The following IGF2BP2 variants were observed in gnomAD, a reference collection of about 807,000 sequenced individuals.
The protein encoded by IGF2BP2 is insulin like growth factor 2 mRNA binding protein 2, also known as insulin-like growth factor 2 mRNA-binding protein 2.
Under a neutral mutation model 75.8 loss-of-function variants are expected in IGF2BP2, and 17 were observed. The observed-to-expected ratio is 0.22, with a 90% CI of 0.15 to 0.34. IGF2BP2 has a LOEUF of 0.34. Among genes scored for constraint, IGF2BP2 ranks in the 10% least tolerant of loss-of-function variants. The pLI is 1.00. For synonymous variants in IGF2BP2, 288 were observed against 295.6 expected (o/e 0.97, Z 0.26); for missense variants, 516 against 772.4 (o/e 0.67, Z 3.93).
intron 2 of IGF2BP2, among the ~76,000 whole-genome samples, chr3:185,799,292 G>A (rs1737863210): frequency 1.3e-5 from 2 of 152,098 alleles, no homozygotes; most frequent in African/African-American, 4.8e-5. Context: ...CAGCTACTTG[G>A]GAAGCTAAGG....
intron 2 of IGF2BP2, among the ~76,000 whole-genome samples, chr3:185,700,673 T>G (rs958212429): frequency 1.3e-5 from 2 of 152,148 alleles, no homozygotes; most frequent in Non-Finnish European, 2.9e-5. Flanking sequence ...AATACAAACA[T>G]TGACTCCAAC....
chr3:185,824,137 G>A (rs545362506), intron 1 of IGF2BP2, among the ~76,000 whole-genome samples: 5 of 152,096 alleles, frequency 3.3e-5, no homozygotes, highest in Admixed American at 3.3e-4. Flanking sequence ...GTTCGGGAAA[G>A]GACCGAGGGG....
rs138361047 is a variant in IGF2BP2, at chr3:185,697,612, C to G, written c.288+687G>C. 2.7e-3 allele frequency among the ~76,000 whole-genome samples: 413 copies of G among 152,260 alleles called. 2 individuals carry two copies. Among genetic ancestry groups the G allele is most frequent in the African/African-American group, 9.7e-3 (402 of 41,532 alleles). On this transcript the variant is annotated intron_variant, in intron 3 of 15. Coordinates refer to ENST00000382199, the MANE Select transcript of IGF2BP2 (RefSeq NM_006548.6). Reference sequence around the variant, plus strand: ...AACTCTGAAAACATACCTTAACTGTCACAGCAACTAATTCAAAACAAACAA... The same window carrying G: ...AACTCTGAAAACATACCTTAACTGTGACAGCAACTAATTCAAAACAAACAA...
chr3:185,767,885 C>CA (rs1733309062), intron 2 of IGF2BP2: 1 of 153,726 alleles, frequency 6.5e-6, no homozygotes, highest in Non-Finnish European at 1.5e-5. Context: ...AAAGTAATGG[C>CA]AAAAACAGCA....
intron 7 of IGF2BP2, among the ~76,000 whole-genome samples, chr3:185,684,856 A>AT (rs1379423072): frequency 6.6e-6 from 1 of 152,078 alleles, no homozygotes; most frequent in Non-Finnish European, 1.5e-5. Flanking sequence ...AAAAAAAAAA[A>AT]GCAGGAACCA....
intron 2 of IGF2BP2, chr3:185,722,595 A>G: frequency 4.2e-6 from 1 of 235,596 alleles, no homozygotes. Flanking sequence ...AGAGGCTTGT[A>G]GGATCCAGAC....
At chr3:185,729,717 T>C (rs1727880764) in intron 2 of IGF2BP2, 1 of 152,222 alleles carries the variant, frequency 6.6e-6, no homozygotes. Context: ...GCTTGTCAAA[T>C]TTTGTTGTAG....
intron 7 of IGF2BP2, among the ~76,000 whole-genome samples, chr3:185,686,016 G>A (rs929213709): frequency 6.6e-6 from 1 of 152,088 alleles, no homozygotes; most frequent in Non-Finnish European, 1.5e-5. Flanking sequence ...TAATTTGTTT[G>A]GTAAGAACTG....
intron 2 of IGF2BP2, among the ~76,000 whole-genome samples, chr3:185,730,304 T>C (rs571797881): frequency 2.0e-5 from 3 of 152,132 alleles, no homozygotes; most frequent in South Asian, 2.1e-4. Context: ...TATGGCTGCA[T>C]AGTATTCCGT....
rs1454718708 is a variant in IGF2BP2, at chr3:185,645,586, A to G, written c.1745T>C (p.Val582Ala). The G allele has an allele frequency of 1.2e-6, 2 of 1,613,592 alleles. No individual in the cohort carries two copies. Among genetic ancestry groups the G allele is most frequent in the Non-Finnish European group, 1.7e-6 (2 of 1,179,784 alleles). Residue 582 changes from valine to alanine, a missense_variant, in exon 16 of 16, where the codon GTG becomes GCG. By Grantham distance (64) the Val-to-Ala change is moderately conservative. Transcript: ENST00000382199. The surrounding 1 kb of genome is among the most constrained non-coding windows in gnomAD (Gnocchi z 4.9). ...QRKIREIVQQ[V>A]KQQEQKYPQG... ...AGGGTATTTCTGCTCCTGCTGCTTCACCTGTTGTACAATTTCCCTGATCTT... is the reference window on the plus strand; with the variant it reads ...AGGGTATTTCTGCTCCTGCTGCTTCGCCTGTTGTACAATTTCCCTGATCTT...
intron 2 of IGF2BP2, among the ~76,000 whole-genome samples, chr3:185,715,189 T>G (rs1725403386): frequency 6.6e-6 from 1 of 152,132 alleles, no homozygotes; most frequent in Non-Finnish European, 1.5e-5. Context: ...TCGGGAAAGA[T>G]ATTCTAAGGG....
At chr3:185,713,488 G>A (rs772875809) in intron 2 of IGF2BP2, 8 of 519,786 alleles carry the variant, frequency 1.5e-5, no homozygotes, top group Middle Eastern at 3.2e-4. Flanking sequence ...CAAGGTAACA[G>A]GTAAGTAAGA....
At chr3:185,820,235 TACACACACACACAC>T (rs202064714) in intron 2 of IGF2BP2, among the ~76,000 whole-genome samples, 63 of 102,810 alleles carry the variant, frequency 6.1e-4, no homozygotes, top group African/African-American at 1.7e-3. Context: ...TATATACACA[TACACACACACACAC>T]ACACACACAC....
At chr3:185,798,145 G>A (rs1017850953) in intron 2 of IGF2BP2, among the ~76,000 whole-genome samples, 5 of 152,054 alleles carry the variant, frequency 3.3e-5, no homozygotes, top group African/African-American at 4.8e-5. Context: ...ATGTTGCAGT[G>A]AGCTGAGATT....
chr3:185,663,468 T>C (rs770520610), intron 10 of IGF2BP2, among the ~76,000 whole-genome samples: 1 of 152,122 alleles, frequency 6.6e-6, no homozygotes, highest in Non-Finnish European at 1.5e-5. Context: ...GGGGGGTAGG[T>C]AGAGGAGCAT....
chr3:185,816,042 C>G (rs1289445813), intron 2 of IGF2BP2, among the ~76,000 whole-genome samples: 4 of 152,106 alleles, frequency 2.6e-5, no homozygotes, highest in Non-Finnish European at 5.9e-5. Flanking sequence ...CCTGGCAGTT[C>G]CTACCAGGGA....
chr3:185,682,252 A>G (rs1442609690), intron 7 of IGF2BP2, among the ~76,000 whole-genome samples: 1 of 152,248 alleles, frequency 6.6e-6, no homozygotes, highest in Non-Finnish European at 1.5e-5. Flanking sequence ...TAGGACTTTT[A>G]GGAGGTGATG....
At chr3:185,820,146 T>A (rs1455934370) in intron 2 of IGF2BP2, among the ~76,000 whole-genome samples, 1 of 151,650 alleles carries the variant, frequency 6.6e-6, no homozygotes, top group African/African-American at 2.4e-5. Context: ...ATCATTCAAC[T>A]TGAGGTACAA....
rs541853458 is a variant in IGF2BP2, at chr3:185,670,279, A to T, written c.1200+2262T>A. Among the ~76,000 whole-genome samples the T allele has an allele frequency of 2.0e-5, 3 of 152,350 alleles. No homozygotes were observed. The South Asian group carries it at 6.2e-4, about 32-fold the overall frequency. On this transcript the variant is annotated intron_variant, in intron 10 of 15. Coordinates refer to ENST00000382199, the MANE Select transcript of IGF2BP2 (RefSeq NM_006548.6). ...AAACCTATTTTCAAGTTTAGAAAAT[A>T]TTCTGCTATTAAAAGAAAAATTCTC... is the stretch of plus-strand genomic sequence containing the variant.
Sources: gnomAD v4.1 joint callset for allele counts (sites outside exome capture counted in the v4.1 genomes callset) on GRCh38, gnomAD v4.1.1 for gene constraint, Gnocchi (gnomAD v3.1) non-coding constraint, MANE v1.5 for transcripts, NCBI Gene and HGNC (gene_info 2026-07-23, HGNC 2026-07-21) for gene names.